The following RBM39 variants were observed in gnomAD, a reference collection of about 807,000 sequenced individuals.
RBM39 encodes the protein RNA binding motif protein 39.
RBM39 carries 12 observed loss-of-function variants against 79.6 expected under a neutral mutation model. The observed-to-expected ratio is 0.15, with a 90% CI of 0.10 to 0.24. The LOEUF (loss-of-function observed/expected upper bound fraction) is 0.24. RBM39 is among the 10% of genes least tolerant of loss of function. The probability of loss-of-function intolerance (pLI) is 1.00; values close to 1 mark genes in which losing one functional copy is unlikely to be tolerated. For synonymous variants in RBM39, 185 were observed against 208.4 expected (o/e 0.89, Z 0.97); for missense variants, 243 against 653.4 (o/e 0.37, Z 6.85).
At chr20:35,722,795 G>T (rs968083693) in intron 8 of RBM39, among the ~76,000 whole-genome samples, 1 of 151,880 alleles carries the variant, frequency 6.6e-6, no homozygotes, top group Non-Finnish European at 1.5e-5. Context: ...TTAGCCGGGC[G>T]TGGTGGCAGG....
intron 3 of RBM39, among the ~76,000 whole-genome samples, chr20:35,736,178 G>A (rs952923244): frequency 6.6e-6 from 1 of 152,028 alleles, no homozygotes; most frequent in African/African-American, 2.4e-5. Context: ...TTTGATTAGA[G>A]AATTGCAAAA....
chr20:35,738,023 GGC>G (rs368091625), intron 3 of RBM39, among the ~76,000 whole-genome samples: 62 of 152,046 alleles, frequency 4.1e-4, no homozygotes, highest in African/African-American at 1.4e-3. Context: ...CAGGCGTGAT[GGC>G]GCGCGCCTGT....
rs747160418 is a variant in RBM39 at position 35,729,338 on chromosome 20, T to C, written c.390A>G (p.Pro130=). ...TCACAGGGCTCTTGTCTTTTCTGAA[T>C]GGACTTTTGCTTCGGGAACGTCGTC... is the stretch of plus-strand genomic sequence containing the variant. ...LSRRRSRSKS[P]FRKDKSPVRE... is the part of the protein sequence containing the mutation. Residue 130 remains proline, a synonymous_variant, in exon 6 of 17, where the codon CCA becomes CCG. Coordinates refer to ENST00000253363, the MANE Select transcript of RBM39 (RefSeq NM_184234.3). The C allele has an allele frequency of 1.2e-6, 2 of 1,603,534 alleles. No homozygotes were observed. The highest frequency in any genetic ancestry group is 2.2e-5 in the East Asian group (1 of 44,838).
chr20:35,708,889 G>C (rs956789655), intron 13 of RBM39: 2 of 204,790 alleles, frequency 9.8e-6, no homozygotes, highest in Admixed American at 5.4e-5. Flanking sequence ...TTGCCTACTC[G>C]TTAATAAGAG....
In RBM39 at chr20:35,707,120, G is replaced by C. The variant is rs763773125; in HGVS notation, c.1307C>G (p.Thr436Arg). 6.4e-7 allele frequency: 1 copy of C among 1,564,102 alleles called. No homozygotes were observed. The change falls in exon 14 of 17, where the codon ACA (threonine) becomes AGA (arginine). Residue 436 changes from threonine to arginine, a missense_variant and splice_region_variant. Coordinates refer to ENST00000253363, the MANE Select transcript of RBM39 (RefSeq NM_184234.3). ...FQLSNMFNPQ[T>R]EEEVGWDTEI... ...ATCAAGAATAAAGTCCATTACTTAC[G>C]TTTGAGGGTTAAACATGTTAGAGAG... is the stretch of plus-strand genomic sequence containing the variant.
At chr20:35,730,937 G>T (rs1013539329) in intron 4 of RBM39, among the ~76,000 whole-genome samples, 1 of 152,022 alleles carries the variant, frequency 6.6e-6, no homozygotes, top group African/African-American at 2.4e-5. Flanking sequence ...AGCCAGAATC[G>T]GAATTCATGT....
Position 35,717,926 on chromosome 20 carries a change from T to C in RBM39, c.826-1121A>G, listed in dbSNP as rs537624548. 5.9e-5 allele frequency among the ~76,000 whole-genome samples: 9 copies of C among 152,276 alleles called. No individual in the cohort carries two copies. The East Asian group carries it at 1.7e-3, about 29-fold the overall frequency. ...CAGGCTGGAGTGCAGTGGTGTGATCTTGGCTCACTGCGAGCTCTGCCTCCC... is the reference window on the plus strand; with the variant it reads ...CAGGCTGGAGTGCAGTGGTGTGATCCTGGCTCACTGCGAGCTCTGCCTCCC... On this transcript the variant is annotated intron_variant, in intron 9 of 16. Transcript: ENST00000253363.
chr20:35,737,054 G>A (rs1230563775), intron 3 of RBM39, among the ~76,000 whole-genome samples: 1 of 151,180 alleles, frequency 6.6e-6, no homozygotes, highest in Non-Finnish European at 1.5e-5. Context: ...GTCAAGAGAT[G>A]GAGACCATCC....
chr20:35,709,737 G>T (rs1042451400), intron 12 of RBM39, among the ~76,000 whole-genome samples: 1 of 152,098 alleles, frequency 6.6e-6, no homozygotes, highest in African/African-American at 2.4e-5. Context: ...CAGTTTCCAT[G>T]ATTTCCCAAT....
intron 6 of RBM39, among the ~76,000 whole-genome samples, chr20:35,726,138 CTTTTT>C (rs756585824): frequency 2.0e-5 from 3 of 151,964 alleles, no homozygotes; most frequent in Non-Finnish European, 4.4e-5. Flanking sequence ...TTTTTCTTTT[CTTTTT>C]TTGTTTTTGA....
At chr20:35,735,088 A>AATAAGAAAAAAAAT in intron 3 of RBM39, 1 of 1,545,460 alleles carries the variant, frequency 6.5e-7, no homozygotes. Context: ...TATTCTGGAA[A>AATAAGAAAAAAAAT]ATAAGAAAAA....
rs571666672 is a variant in RBM39, at chr20:35,729,071, G to A, written c.416+241C>T. 8.3e-5 allele frequency among the ~76,000 whole-genome samples: 9 copies of A among 108,462 alleles called. No individual in the cohort carries two copies. In the East Asian group the frequency reaches 2.1e-3, roughly 25 times the overall value. 71.2% of individuals were successfully genotyped at this position (108,462 alleles called of 152,430 possible). A position where few individuals can be genotyped will look rare whatever the true frequency, so the allele number is the denominator to read the frequency against. ...ATCCTGGGTGACTGAGTGAGACTCC[G>A]TCTCAAAATAAATAAATAAATAAAT... On this transcript the variant is annotated intron_variant, in intron 6 of 16. Transcript: ENST00000253363.
In RBM39 at chr20:35,713,100, T is replaced by A; in HGVS notation, c.1097-4A>T. The A allele has an allele frequency of 6.2e-7, 1 of 1,612,188 alleles. No homozygotes were observed. The highest frequency in any genetic ancestry group is 8.5e-7 in the Non-Finnish European group (1 of 1,178,922). On this transcript the variant is annotated splice_region_variant and splice_polypyrimidine_tract_variant and intron_variant, in intron 11 of 16. Coordinates refer to ENST00000253363, the MANE Select transcript of RBM39 (RefSeq NM_184234.3). ...GGCGGAATCTGCAAACCTGTACCTG[T>A]AAAAGAATAGTCTTAAAGTTCCTAC...
intron 3 of RBM39, chr20:35,736,450 T>C: frequency 3.1e-6 from 1 of 323,528 alleles, no homozygotes; most frequent in Non-Finnish European, 6.6e-6. Flanking sequence ...AAATAGTGGC[T>C]TAACAAGCCC....
intron 10 of RBM39, among the ~76,000 whole-genome samples, chr20:35,715,546 T>C (rs538457722): frequency 1.4e-4 from 21 of 152,266 alleles, no homozygotes; most frequent in African/African-American, 4.8e-4. Context: ...GGATCTTTAG[T>C]AAAAAAGAAT....
At chr20:35,723,963 C>A (rs979190779) in intron 8 of RBM39, among the ~76,000 whole-genome samples, 1 of 152,116 alleles carries the variant, frequency 6.6e-6, no homozygotes, top group Admixed American at 6.5e-5. Context: ...ACTGCTTGAG[C>A]CCAGCAGGTC....
intron 9 of RBM39, among the ~76,000 whole-genome samples, chr20:35,718,152 C>T (rs938847938): frequency 1.3e-5 from 2 of 152,098 alleles, no homozygotes; most frequent in Admixed American, 1.3e-4. Context: ...AGCCACTGCG[C>T]CCAGCCCAAG....
At chr20:35,729,583 G>A (rs1207000933) in intron 4 of RBM39, 56 bp from the exon 5 acceptor site, 5 of 1,440,262 alleles carry the variant, frequency 3.5e-6, no homozygotes, top group African/African-American at 1.4e-5. Context: ...TGCTAAGATC[G>A]CATTCATGCG....
At chr20:35,708,497 C>T (rs897338825) in intron 13 of RBM39, among the ~76,000 whole-genome samples, 3 of 152,042 alleles carry the variant, frequency 2.0e-5, no homozygotes, top group African/African-American at 7.2e-5. Context: ...AATCTCTTAA[C>T]AAAACAGCAC....
Sources: gnomAD v4.1 joint callset for allele counts (sites outside exome capture counted in the v4.1 genomes callset) on GRCh38, gnomAD v4.1.1 for gene constraint, MANE v1.5 for transcripts, NCBI Gene and HGNC (gene_info 2026-07-23, HGNC 2026-07-21) for gene names.